The following TYR variants were observed in gnomAD, a reference collection of about 807,000 sequenced individuals.
TYR encodes LB24-AB.
A neutral mutation model predicts 51.5 loss-of-function variants in TYR; 58 were observed. The observed-to-expected ratio is 1.13, with a 90% CI of 0.91 to 1.40. TYR has a LOEUF of 1.40. TYR is among the 40% of genes most tolerant of loss of function. TYR has a pLI of 0.00. For missense variants in TYR, 732 were observed against 647.4 expected, an observed-to-expected ratio of 1.13 and a Z score of -1.42; for synonymous variants, 263 against 235.2, an observed-to-expected ratio of 1.12 and a Z score of -1.08.
At chr11:89,184,811 A>AT (rs1049230148) in intron 1 of TYR, among the ~76,000 whole-genome samples, 8 of 152,120 alleles carry the variant, frequency 5.3e-5, no homozygotes, top group Non-Finnish European at 1.0e-4. Flanking sequence ...ACGGAGCCCA[A>AT]TTTTTTCTCT....
At chr11:89,221,694 C>T (rs1376007891) in intron 2 of TYR, among the ~76,000 whole-genome samples, 1 of 152,164 alleles carries the variant, frequency 6.6e-6, no homozygotes, top group Non-Finnish European at 1.5e-5. Context: ...GAATATAAGT[C>T]AGTGGGTCTT....
intron 2 of TYR, among the ~76,000 whole-genome samples, chr11:89,225,026 T>G (rs1275905900): frequency 6.6e-6 from 1 of 152,050 alleles, no homozygotes; most frequent in Admixed American, 6.6e-5. Flanking sequence ...TTTACCCTTA[T>G]CTAGTTATTT....
At chr11:89,255,405 A>G (rs188150228) in intron 3 of TYR, among the ~76,000 whole-genome samples, 6 of 151,556 alleles carry the variant, frequency 4.0e-5, no homozygotes, top group African/African-American at 1.4e-4. Context: ...AATGAAAAAT[A>G]AATTAAATAA....
At chr11:89,258,678 T>C (rs1205535375) in intron 3 of TYR, among the ~76,000 whole-genome samples, 1 of 152,084 alleles carries the variant, frequency 6.6e-6, no homozygotes, top group African/African-American at 2.4e-5. Context: ...AACAAAGTAT[T>C]TTTATTGTAC....
chr11:89,223,961 C>T (rs1308870972), intron 2 of TYR, among the ~76,000 whole-genome samples: 3 of 147,306 alleles, frequency 2.0e-5, no homozygotes, highest in Non-Finnish European at 4.4e-5. Flanking sequence ...CAACATCTGT[C>T]AGGTCAGTAT....
At chr11:89,221,912 A>G (rs1034447900) in intron 2 of TYR, among the ~76,000 whole-genome samples, 5 of 152,260 alleles carry the variant, frequency 3.3e-5, no homozygotes, top group African/African-American at 1.2e-4. Flanking sequence ...CTTAGCAGGT[A>G]TGATTAAAGT....
At chr11:89,226,853 C>T (rs950215923) in intron 2 of TYR, among the ~76,000 whole-genome samples, 2 of 151,982 alleles carry the variant, frequency 1.3e-5, no homozygotes, top group Admixed American at 6.6e-5. Context: ...TCGTGTTCCC[C>T]CAACTTGGTT....
Position 89,191,214 on chromosome 11 carries a change from C to A in TYR, c.832C>A (p.Arg278=), listed in dbSNP as rs62645904. The stretch of plus-strand genomic sequence containing the variant: ...GTGTTTTGTACAGATTGTCTGTAGC[C>A]GATTGGAGGAGTACAACAGCCATCA... The part of the protein sequence containing the change: ...FFSSWQIVCS[R]LEEYNSHQSL... The change falls in exon 2 of 5, where the codon CGA becomes AGA. Residue 278 remains arginine, a synonymous_variant. Transcript: ENST00000263321. 2 of 1,613,320 alleles carry A rather than the reference C, an allele frequency of 1.2e-6. No individual in the cohort carries two copies. Among genetic ancestry groups the A allele is most frequent in the Admixed American group, 1.7e-5 (1 of 59,892 alleles).
intron 3 of TYR, among the ~76,000 whole-genome samples, chr11:89,277,281 T>C (rs1944666564): frequency 6.6e-6 from 1 of 151,792 alleles, no homozygotes; most frequent in African/African-American, 2.4e-5. Flanking sequence ...TGCACTGGCC[T>C]TGCTATTATA....
chr11:89,177,894 A>C lies in TYR; in HGVS notation c.-60A>C. 7 of 1,551,296 alleles carry C rather than the reference A, an allele frequency of 4.5e-6. No individual in the cohort carries two copies. Among genetic ancestry groups the C allele is most frequent in the South Asian group, 1.1e-5 (1 of 89,334 alleles). ...ATAATCACTGTAGTAGTAGCTGGAA[A>C]GAGAAATCTGTGACTCCAATTAGCC... On this transcript the variant is annotated 5_prime_UTR_variant, in exon 1 of 5. Coordinates refer to ENST00000263321, the MANE Select transcript of TYR (RefSeq NM_000372.5).
chr11:89,182,687 C>T (rs1400952236), intron 1 of TYR, among the ~76,000 whole-genome samples: 1 of 151,974 alleles, frequency 6.6e-6, no homozygotes, highest in Non-Finnish European at 1.5e-5. Context: ...AAATTAGGGG[C>T]CATGTTTATC....
chr11:89,231,241 T>A (rs1376063138), intron 3 of TYR, among the ~76,000 whole-genome samples: 1 of 151,694 alleles, frequency 6.6e-6, no homozygotes, highest in Non-Finnish European at 1.5e-5. Context: ...TATAGTCATT[T>A]GGGAAAACAT....
rs188282268 is a variant in TYR at position 89,194,056 on chromosome 11, C to A, written c.1036+2638C>A. On this transcript the variant is annotated intron_variant, in intron 2 of 4. Coordinates refer to ENST00000263321, the MANE Select transcript of TYR (RefSeq NM_000372.5). ...TGCTTTTATCAAATCTACTGTATAT[C>A]AGTTTTTAAAATTAGATATAATAAT... Among the ~76,000 whole-genome samples the A allele has an allele frequency of 1.1e-4, 16 of 152,158 alleles. No homozygotes were observed. The East Asian group carries it at 2.7e-3, about 26-fold the overall frequency.
chr11:89,259,948 A>G (rs1944437497), intron 3 of TYR, among the ~76,000 whole-genome samples: 1 of 152,088 alleles, frequency 6.6e-6, no homozygotes, highest in African/African-American at 2.4e-5. Flanking sequence ...GGTTCTTAAG[A>G]ACATTGTTTT....
chr11:89,195,525 A>G (rs1943506134), intron 2 of TYR, among the ~76,000 whole-genome samples: 3 of 151,994 alleles, frequency 2.0e-5, no homozygotes, highest in African/African-American at 2.4e-5. Context: ...CTAAAAATAC[A>G]AAAATTAGCC....
intron 3 of TYR, among the ~76,000 whole-genome samples, chr11:89,241,398 T>C (rs1376880274): frequency 2.0e-5 from 3 of 152,186 alleles, no homozygotes; most frequent in African/African-American, 4.8e-5. Context: ...TAGTTCTGCA[T>C]TGATCATATC....
At chr11:89,224,798 T>C (rs554459440) in intron 2 of TYR, among the ~76,000 whole-genome samples, 3 of 152,298 alleles carry the variant, frequency 2.0e-5, no homozygotes, top group Admixed American at 6.5e-5. Flanking sequence ...CCAACATGTA[T>C]AACTTTAATT....
chr11:89,216,457 G>A (rs892604065), intron 2 of TYR, among the ~76,000 whole-genome samples: 3 of 151,680 alleles, frequency 2.0e-5, no homozygotes, highest in African/African-American at 7.3e-5. Flanking sequence ...TTTGACACGA[G>A]CCCAGGCAAC....
chr11:89,290,973 C>T (rs1384568341), intron 4 of TYR, among the ~76,000 whole-genome samples: 1 of 152,006 alleles, frequency 6.6e-6, no homozygotes, highest in Non-Finnish European at 1.5e-5. Context: ...TCCTCATTTA[C>T]TCAAATCTTA....
Sources: allele counts gnomAD v4.1 joint callset (sites outside exome capture counted in the v4.1 genomes callset), GRCh38; gene constraint gnomAD v4.1.1; transcripts MANE v1.5; gene names NCBI Gene and HGNC (gene_info 2026-07-23, HGNC 2026-07-21).